Variants in FLCN observed in about 807,000 individuals in gnomAD.
FLCN encodes the protein BHD skin lesion fibrofolliculoma protein.
A neutral mutation model predicts 62.5 loss-of-function variants in FLCN; 22 were observed. The observed-to-expected ratio is 0.35, with a 90% CI of 0.25 to 0.50. The LOEUF is 0.50. Among genes scored for constraint, FLCN ranks in the 20% least tolerant of loss-of-function variants. The pLI, the probability that FLCN is intolerant of heterozygous loss-of-function variation, is 0.97. For synonymous variants in FLCN, 319 were observed against 310.0 expected (o/e 1.03, Z -0.30); for missense variants, 657 against 778.0 (o/e 0.84, Z 1.85).
At position 17,213,783 on chromosome 17, in the gene FLCN, T is replaced by G. The variant is rs2046821567; in HGVS notation, c.1612A>C (p.Ile538Leu). 6.2e-7 allele frequency: 1 copy of G among 1,614,260 alleles called. No homozygotes were observed. The highest frequency in any genetic ancestry group is 8.5e-7 in the Non-Finnish European group (1 of 1,180,044). Residue 538 changes from isoleucine (I) to leucine (L), a missense_variant, in exon 14 of 14, where the codon ATC becomes CTC. Physicochemically the swap from Ile to Leu is conservative, Grantham distance 5. Transcript: ENST00000285071. Reference sequence around the variant, plus strand: ...TTGTCCTCCTCGGACGCACCCAGGATGCTCAGCAGCTTCTGTGTGTCCTCT... The same window carrying G: ...TTGTCCTCCTCGGACGCACCCAGGAGGCTCAGCAGCTTCTGTGTGTCCTCT... The part of the protein sequence containing the change: ...PKEDTQKLLS[I>L]LGASEEDNVK...
rs1597612647 is a variant in FLCN at position 17,226,176 on chromosome 17, C to T, written c.396G>A (p.Glu132=). ...CAGGCTCTGTGGCCACAAGGCTCAC[C>T]TCACAGCTCAGGCTCCGGACACAGG... ...RQACVRSLSC[E]VCPGREGPIF... is the part of the protein sequence containing the mutation. Residue 132 remains glutamate (E), a splice_region_variant and synonymous_variant, in exon 5 of 14, where the codon GAG becomes GAA. Transcript: ENST00000285071. 5.6e-6 allele frequency: 9 copies of T among 1,614,004 alleles called. No individual in the cohort carries two copies. The highest frequency in any genetic ancestry group is 5.9e-6 in the Non-Finnish European group (7 of 1,180,006).
At position 17,212,544 on chromosome 17, in the gene FLCN, G is replaced by C. The variant is rs1286409348; in HGVS notation, c.*1111C>G. 5 of 171,516 alleles carry C rather than the reference G, an allele frequency of 2.9e-5. No individual in the cohort carries two copies. The highest frequency in any genetic ancestry group is 6.3e-5 in the Non-Finnish European group (5 of 79,586). 10.6% of individuals were successfully genotyped at this position (171,516 alleles called of 1,614,324 possible). On this transcript the variant is annotated 3_prime_UTR_variant, in exon 14 of 14. Coordinates refer to ENST00000285071, the MANE Select transcript of FLCN (RefSeq NM_144997.7). ...TCACGCTTGTAATCCCAGCACTTTG[G>C]GAGGCTGAGGTGGGTGGATCACCTG...
chr17:17,228,302 C>T, intron 3 of FLCN, 141 bp from the exon 4 acceptor site: 2 of 978,148 alleles, frequency 2.0e-6, no homozygotes, highest in Admixed American at 2.6e-5. Flanking sequence ...CCCCAGCCCC[C>T]TGCCAGCACT....
intron 3 of FLCN, chr17:17,231,402 C>A (rs911704411): frequency 4.6e-5 from 7 of 152,188 alleles, no homozygotes; most frequent in African/African-American, 1.2e-4. Context: ...AGGGCTGGTG[C>A]TCAGTAGGTG....
In FLCN at chr17:17,213,724, C is replaced by T. The variant is rs2144807957; in HGVS notation, c.1671G>A (p.Leu557=). 1 of 1,614,220 alleles carries T rather than the reference C, an allele frequency of 6.2e-7. No individual in the cohort carries two copies. The highest frequency in any genetic ancestry group is 8.5e-7 in the Non-Finnish European group (1 of 1,180,044). The change falls in exon 14 of 14, where the codon CTG becomes CTA. Residue 557 remains leucine (L), a synonymous_variant. Transcript: ENST00000285071. ...TGAGGTGTGACTTGTAGGTCTTGCT[C>T]AGGCCAGTCATCCAGAACTTCAGCA... ...VKLLKFWMTG[L]SKTYKSHLMS...
At chr17:17,217,414 T>C (rs1157842639) in intron 9 of FLCN, 1 of 581,034 alleles carries the variant, frequency 1.7e-6, no homozygotes, top group Admixed American at 3.0e-5. Flanking sequence ...CTCCAAGATC[T>C]TTCTCCCAGT....
intron 2 of FLCN, among the ~76,000 whole-genome samples, chr17:17,232,555 T>C (rs2047455719): frequency 1.3e-5 from 2 of 152,110 alleles, no homozygotes; most frequent in Admixed American, 1.3e-4. Flanking sequence ...CAGGGTTCAC[T>C]ATGATGAGTG....
chr17:17,233,358 G>A (rs1385276679), intron 1 of FLCN, among the ~76,000 whole-genome samples: 1 of 152,048 alleles, frequency 6.6e-6, no homozygotes, highest in Non-Finnish European at 1.5e-5. Context: ...GGCACTTTGG[G>A]AGGCCGAGGT....
At chr17:17,232,275 C>G (rs1351489213) in intron 2 of FLCN, among the ~76,000 whole-genome samples, 3 of 152,208 alleles carry the variant, frequency 2.0e-5, no homozygotes, top group Non-Finnish European at 4.4e-5. Flanking sequence ...CCCTCCACCC[C>G]GACACCCTCC....
In FLCN at chr17:17,216,444, G is replaced by A. The variant is rs769968368; in HGVS notation, c.1236C>T (p.Ala412=). Residue 412 remains alanine, a synonymous_variant, in exon 11 of 14, where the codon GCC becomes GCT. Coordinates refer to ENST00000285071, the MANE Select transcript of FLCN (RefSeq NM_144997.7). The surrounding 1 kb of genome is among the most constrained non-coding windows in gnomAD (Gnocchi z 4.0). ...IIPYSSQYEE[A]YRCNFLGLSP... is the part of the protein sequence containing the mutation. The stretch of plus-strand genomic sequence containing the variant: ...TGAGCCCCAGGAAGTTGCACCGATA[G>A]GCCTCCTCGTACTGGCTGCTGTATG... 2.5e-6 allele frequency: 4 copies of A among 1,613,894 alleles called. No homozygotes were observed. The highest frequency in any genetic ancestry group is 2.5e-6 in the Non-Finnish European group (3 of 1,179,882).
intron 8 of FLCN, chr17:17,221,200 C>G: frequency 6.6e-7 from 1 of 1,508,556 alleles, no homozygotes; most frequent in Non-Finnish European, 8.8e-7. Context: ...TGTAAAGGAG[C>G]AAAGACCGTC....
chr17:17,223,836 G>A (rs562692395), intron 6 of FLCN, 86 bp downstream of exon 6: 150 of 1,361,676 alleles, frequency 1.1e-4, no homozygotes, highest in Admixed American at 4.1e-4. Context: ...AAGACGCCAC[G>A]CGGTCTCCAG....
At chr17:17,236,663 C>T (rs2047589943) in intron 1 of FLCN, among the ~76,000 whole-genome samples, 2 of 152,138 alleles carry the variant, frequency 1.3e-5, no homozygotes, top group Non-Finnish European at 2.9e-5. Flanking sequence ...CCCTCTCCTC[C>T]AAACAGAGCG....
At position 17,216,552 on chromosome 17, in the gene FLCN, C is replaced by G; in HGVS notation, c.1177-49G>C. On this transcript the variant is annotated intron_variant, in intron 10 of 13. Transcript: ENST00000285071. This position sits in a 1 kb window ranked among gnomAD's most constrained non-coding sequence, Gnocchi z 4.0. ...ACCAAGGACACGAGGAAGCCCTCAG[C>G]CCCGGCCATCCATGCTCTACTACCC... is the stretch of plus-strand genomic sequence containing the variant. 2 of 1,610,002 alleles carry G rather than the reference C, an allele frequency of 1.2e-6. No homozygotes were observed. The highest frequency in any genetic ancestry group is 2.2e-5 in the South Asian group (2 of 90,702).
rs12451312 is a variant in FLCN, at chr17:17,214,975, T to G, written c.1538+10A>C. Reference sequence around the variant, plus strand: ...GCAAGCAAAGGGGCCTCACCCACACTGTTGCTTACTTCATCCACTCCTCCT... The same window carrying G: ...GCAAGCAAAGGGGCCTCACCCACACGGTTGCTTACTTCATCCACTCCTCCT... On this transcript the variant is annotated intron_variant, in intron 13 of 13. Transcript: ENST00000285071. The G allele has an allele frequency of 1.2e-4, 193 of 1,613,098 alleles. 1 individual carries two copies. In the Admixed American group the frequency reaches 3.2e-3, roughly 26 times the overall value.
At chr17:17,234,160 G>A (rs1261668968) in intron 1 of FLCN, among the ~76,000 whole-genome samples, 1 of 151,222 alleles carries the variant, frequency 6.6e-6, no homozygotes, top group Non-Finnish European at 1.5e-5. Flanking sequence ...ACGCTGACAA[G>A]CCACTTCCCA....
chr17:17,236,831 ACCCTCCC>A (rs2047594224), intron 1 of FLCN, 74 bp downstream of exon 1: 1 of 151,312 alleles, frequency 6.6e-6, no homozygotes, highest in Admixed American at 6.6e-5. Context: ...CTGGCCCTAA[ACCCTCCC>A]CCATTACTCG....
chr17:17,214,056 G>C (rs1165704150), intron 13 of FLCN, among the ~76,000 whole-genome samples, 200 bp from the exon 14 acceptor site: 1 of 152,132 alleles, frequency 6.6e-6, no homozygotes, highest in Non-Finnish European at 1.5e-5. Context: ...GGAAGCTGTC[G>C]GGGCTGGGCT....
At chr17:17,233,355 TG>T (rs1287762489) in intron 1 of FLCN, among the ~76,000 whole-genome samples, 5 of 151,960 alleles carry the variant, frequency 3.3e-5, no homozygotes, top group Non-Finnish European at 5.9e-5. Context: ...CCCGGCACTT[TG>T]GGAGGCCGAG....
Sources: allele counts gnomAD v4.1 joint callset (sites outside exome capture counted in the v4.1 genomes callset), GRCh38; gene constraint gnomAD v4.1.1; non-coding constraint Gnocchi (gnomAD v3.1); transcripts MANE v1.5; gene names NCBI Gene and HGNC (gene_info 2026-07-23, HGNC 2026-07-21).